Variants in ZNF34 observed in about 807,000 individuals in gnomAD.
The protein encoded by ZNF34 is zinc finger protein 34 (KOX 32).
ZNF34 carries 8 observed loss-of-function variants against 14.4 expected under a neutral mutation model. That is an observed-to-expected ratio of 0.55 (90% CI 0.33 to 1.00). The LOEUF (loss-of-function observed/expected upper bound fraction) is 1.00, where lower values mean the gene tolerates loss of function less well. ZNF34 is among the 50% of genes least tolerant of loss of function. ZNF34 has a pLI of 0.03. For missense variants in ZNF34, 538 were observed against 674.2 expected, an observed-to-expected ratio of 0.80 and a Z score of 2.24; for synonymous variants, 235 against 247.9, an observed-to-expected ratio of 0.95 and a Z score of 0.49.
At chr8:144,775,149 T>C (rs528656687) in intron 5 of ZNF34, among the ~76,000 whole-genome samples, 96 of 152,348 alleles carry the variant, frequency 6.3e-4, no homozygotes, top group African/African-American at 2.3e-3. Context: ...GCCACTTTCA[T>C]TACTGCTCTC....
At chr8:144,786,933 C>T (rs945285049) in intron 1 of ZNF34, among the ~76,000 whole-genome samples, 1 of 152,064 alleles carries the variant, frequency 6.6e-6, no homozygotes, top group African/African-American at 2.4e-5. Context: ...GATGGGAAGC[C>T]TCGGGCCGCT....
intron 1 of ZNF34, among the ~76,000 whole-genome samples, chr8:144,780,833 A>T (rs1164044209): frequency 1.3e-5 from 2 of 151,196 alleles, no homozygotes; most frequent in African/African-American, 2.4e-5. Context: ...TAATAGGAAT[A>T]AAAAAAACAC....
At chr8:144,785,106 C>CAAAAACAA (rs1826142670) in intron 1 of ZNF34, among the ~76,000 whole-genome samples, 1 of 50,072 alleles carries the variant, frequency 2.0e-5, no homozygotes, top group African/African-American at 7.6e-5. Flanking sequence ...CAGACCCTGC[C>CAAAAACAA]AAAAAAAAAA....
intron 1 of ZNF34, 27 bp downstream of exon 1, chr8:144,787,252 G>GCCCGCC (rs1826304702): frequency 1.3e-5 from 2 of 152,566 alleles, no homozygotes; most frequent in Admixed American, 6.5e-5. Flanking sequence ...CGCCCCGCGC[G>GCCCGCC]CCCGCCCCCG....
rs369409033 is a variant in ZNF34, at chr8:144,774,049, C to T, written c.837G>A (p.Met279Ile). 8.1e-6 allele frequency: 13 copies of T among 1,613,904 alleles called. No individual in the cohort carries two copies. The African/African-American group carries it at 1.5e-4, about 18-fold the overall frequency. ...ACCGGTAGGGAATCTCTCCTGAGTG[C>T]ATCCTTCGGTGATTGATGAACTCGC... is the stretch of plus-strand genomic sequence containing the variant. The part of the protein sequence containing the change: ...QSCEFINHRR[M>I]HSGEIPYRCD... Residue 279 changes from methionine (M) to isoleucine (I), a missense_variant, in exon 6 of 6, where the codon ATG becomes ATA. By Grantham distance (10) the Met-to-Ile change is conservative. Coordinates refer to ENST00000429371, the MANE Select transcript of ZNF34 (RefSeq NM_001286769.2).
chr8:144,786,928 G>C (rs1427058069), intron 1 of ZNF34, among the ~76,000 whole-genome samples: 1 of 152,114 alleles, frequency 6.6e-6, no homozygotes, highest in Non-Finnish European at 1.5e-5. Flanking sequence ...GCCGGGATGG[G>C]AAGCCTCGGG....
At chr8:144,774,696 T>C (rs552420324) in intron 5 of ZNF34, 91 bp from the exon 6 acceptor site, 160 of 1,465,524 alleles carry the variant, frequency 1.1e-4, no homozygotes, top group Non-Finnish European at 1.4e-4. Context: ...GGGAACCAAT[T>C]TGATCATCTC....
chr8:144,773,164 G>T lies in ZNF34; in HGVS notation c.*102C>A. ...TTAATGAGAAACGTCCTTTCACTCT[G>T]TGAAAACATCGTGTGGATAATACAT... On this transcript the variant is annotated 3_prime_UTR_variant, in exon 6 of 6. Transcript: ENST00000429371. This position sits in a 1 kb window ranked among gnomAD's most constrained non-coding sequence, Gnocchi z 5.4. The T allele has an allele frequency of 5.5e-6, 7 of 1,277,688 alleles. No individual in the cohort carries two copies. Among genetic ancestry groups the T allele is most frequent in the African/African-American group, 1.5e-5 (1 of 66,872 alleles). 79.1% of individuals were successfully genotyped at this position (1,277,688 alleles called of 1,614,324 possible). A position where few individuals can be genotyped will look rare whatever the true frequency, so the allele number is the denominator to read the frequency against.
In ZNF34 at chr8:144,774,199, C is replaced by A; in HGVS notation, c.687G>T (p.Leu229Phe). 1 of 1,613,616 alleles carries A rather than the reference C, an allele frequency of 6.2e-7. No homozygotes were observed. ...TTTTCCCACAGTAACTGCAATAATGCAATTTTTTCCCAGTAGGAATTTTCT... is the reference window on the plus strand; with the variant it reads ...TTTTCCCACAGTAACTGCAATAATGAAATTTTTTCCCAGTAGGAATTTTCT... The part of the protein sequence containing the change: ...EDQKIPTGKK[L>F]HYCSYCGKTF... The change falls in exon 6 of 6, where the codon TTG becomes TTT. Residue 229 changes from leucine (L) to phenylalanine (F), a missense_variant. Transcript: ENST00000429371.
chr8:144,780,697 G>A (rs1229137520), intron 1 of ZNF34, among the ~76,000 whole-genome samples: 1 of 152,154 alleles, frequency 6.6e-6, no homozygotes, highest in East Asian at 1.9e-4. Context: ...GCTGAGGCAG[G>A]AGAATCGCTT....
At chr8:144,784,032 C>T (rs953888163) in intron 1 of ZNF34, among the ~76,000 whole-genome samples, 1 of 151,918 alleles carries the variant, frequency 6.6e-6, no homozygotes, top group African/African-American at 2.4e-5. Flanking sequence ...TGGTGGCAGG[C>T]GCCTGTAGTC....
At position 144,777,002 on chromosome 8, in the gene ZNF34, C is replaced by T. The variant is rs185615412; in HGVS notation, c.280+456G>A. 1.4e-4 allele frequency among the ~76,000 whole-genome samples: 21 copies of T among 151,478 alleles called. No individual in the cohort carries two copies. Among genetic ancestry groups the T allele is most frequent in the Middle Eastern group, 3.5e-3 (1 of 288 alleles). ...ATAGCAGAAATATACTACAACACAA[C>T]TATGTCTGGGTAGTGAGATTCAGGG... is the stretch of plus-strand genomic sequence containing the variant. On this transcript the variant is annotated intron_variant, in intron 5 of 5. Transcript: ENST00000429371. The surrounding 1 kb of genome is among the most constrained non-coding windows in gnomAD (Gnocchi z 4.8).
Position 144,784,458 on chromosome 8 carries a change from T to TAAAAA in ZNF34, c.-108+2816_-108+2820dup, listed in dbSNP as rs397891745. The stretch of plus-strand genomic sequence containing the variant: ...TCAGGCAGGTTGAAGACCTAAACAT[T>TAAAAA]AAAAAAAAAAAAAAAAAAAGGTCGG... On this transcript the variant is annotated intron_variant, in intron 1 of 5. Coordinates refer to ENST00000429371, the MANE Select transcript of ZNF34 (RefSeq NM_001286769.2). Among the ~76,000 whole-genome samples the TAAAAA allele has an allele frequency of 4.2e-3, 533 of 126,214 alleles. 2 individuals are homozygous for TAAAAA. Among genetic ancestry groups the TAAAAA allele is most frequent in the African/African-American group, 0.015 (513 of 33,238 alleles). 82.8% of individuals were successfully genotyped at this position (126,214 alleles called of 152,430 possible).
chr8:144,786,658 G>C (rs1826257245), intron 1 of ZNF34, among the ~76,000 whole-genome samples: 1 of 149,834 alleles, frequency 6.7e-6, no homozygotes, highest in African/African-American at 2.5e-5. Context: ...AGAAAGGAAA[G>C]AAGGAAGAGA....
rs764662207 is a variant in ZNF34 at position 144,774,078 on chromosome 8, T to A, written c.808A>T (p.Ser270Cys). 6.2e-7 allele frequency: 1 copy of A among 1,613,918 alleles called. No homozygotes were observed. Among genetic ancestry groups the A allele is most frequent in the Non-Finnish European group, 8.5e-7 (1 of 1,179,978 alleles). ...CTTCGGTGATTGATGAACTCGCAGC[T>A]CTGGCTGAAGGCTTTCCCACACTCA... is the stretch of plus-strand genomic sequence containing the variant. Reference protein sequence around the residue: ...CDECGKAFSQSCEFINHRRMH... With the variant: ...CDECGKAFSQCCEFINHRRMH... The change falls in exon 6 of 6, where the codon AGC becomes TGC. Residue 270 changes from serine to cysteine, a missense_variant. Transcript: ENST00000429371.
intron 1 of ZNF34, among the ~76,000 whole-genome samples, chr8:144,784,240 C>G (rs779678077): frequency 2.0e-5 from 3 of 150,144 alleles, no homozygotes; most frequent in Non-Finnish European, 4.4e-5. Flanking sequence ...TACTAGATAT[C>G]AAGACTTAGG....
chr8:144,774,089 G>A lies in ZNF34; in HGVS notation c.797C>T (p.Ala266Val), dbSNP rs1405588909. The A allele has an allele frequency of 2.5e-6, 4 of 1,613,912 alleles. No individual in the cohort carries two copies. Among genetic ancestry groups the A allele is most frequent in the East Asian group, 2.2e-5 (1 of 44,878 alleles). The change falls in exon 6 of 6, where the codon GCC becomes GTC. Residue 266 changes from alanine (A) to valine (V), a missense_variant. Transcript: ENST00000429371. ...GATGAACTCGCAGCTCTGGCTGAAGGCTTTCCCACACTCATCACATTTGTA... is the reference window on the plus strand; with the variant it reads ...GATGAACTCGCAGCTCTGGCTGAAGACTTTCCCACACTCATCACATTTGTA... The part of the protein sequence containing the change: ...KPYKCDECGK[A>V]FSQSCEFINH...
chr8:144,785,973 T>C lies in ZNF34; in HGVS notation c.-108+1306A>G, dbSNP rs1404343812. 3.4e-5 allele frequency among the ~76,000 whole-genome samples: 5 copies of C among 145,864 alleles called. No homozygotes were observed. The East Asian group carries it at 1.1e-3, about 31-fold the overall frequency. On this transcript the variant is annotated intron_variant, in intron 1 of 5. Transcript: ENST00000429371. ...TACAGAATATACACAGTATAATACA[T>C]AGGTAGTTTTTTTTTTTTTTTTTTT...
At chr8:144,785,808 C>T (rs1052526907) in intron 1 of ZNF34, among the ~76,000 whole-genome samples, 3 of 152,084 alleles carry the variant, frequency 2.0e-5, no homozygotes, top group African/African-American at 2.4e-5. Flanking sequence ...TGCTAATGCA[C>T]ACAAAAAGAA....
Sources: allele counts gnomAD v4.1 joint callset (sites outside exome capture counted in the v4.1 genomes callset), GRCh38; gene constraint gnomAD v4.1.1; non-coding constraint Gnocchi (gnomAD v3.1); transcripts MANE v1.5; gene names NCBI Gene and HGNC (gene_info 2026-07-23, HGNC 2026-07-21).